CACNA1C: variants seen among roughly 807,000 people sequenced by gnomAD.
CACNA1C encodes the protein voltage-dependent L-type calcium channel subunit alpha-1C.
CACNA1C carries 30 observed loss-of-function variants against 229.0 expected under a neutral mutation model. That is an observed-to-expected ratio of 0.13 (90% CI 0.10 to 0.18). The LOEUF (loss-of-function observed/expected upper bound fraction) is 0.18. Ranked by LOEUF, CACNA1C falls within the 10% of genes least tolerant of loss-of-function variation. The probability of loss-of-function intolerance (pLI) is 1.00; values close to 1 mark genes in which losing one functional copy is unlikely to be tolerated. For missense variants in CACNA1C, 1,658 were observed against 2,845.0 expected (o/e 0.58, Z 9.49); for synonymous variants, 1,114 against 1,132.5 (o/e 0.98, Z 0.33).
intron 3 of CACNA1C, among the ~76,000 whole-genome samples, chr12:2,201,575 T>A (rs1223137796): frequency 6.6e-6 from 1 of 152,240 alleles, no homozygotes; most frequent in Non-Finnish European, 1.5e-5. Flanking sequence ...AGGAATTAGC[T>A]TTTCTTTCTA....
chr12:2,680,520 T>C lies in CACNA1C; in HGVS notation c.5444+724T>C, dbSNP rs1312575937. On this transcript the variant is annotated intron_variant, in intron 42 of 46. Coordinates refer to ENST00000399655, the MANE Select transcript of CACNA1C (RefSeq NM_000719.7). ...GCCTGGCCACGCTTCACTGTGCTGC[T>C]CTTCCAGAGTAGGAGAGTGGCTCCC... 2 of 1,573,868 alleles carry C rather than the reference T, an allele frequency of 1.3e-6. No individual in the cohort carries two copies. Among genetic ancestry groups the C allele is most frequent in the Non-Finnish European group, 1.7e-6 (2 of 1,159,152 alleles).
chr12:2,640,412 G>T (rs571190157), intron 30 of CACNA1C, among the ~76,000 whole-genome samples: 1 of 152,286 alleles, frequency 6.6e-6, no homozygotes, highest in East Asian at 1.9e-4. Flanking sequence ...TCTCTGTGTC[G>T]GTTGATGCTG....
intron 1 of CACNA1C, among the ~76,000 whole-genome samples, chr12:2,084,408 G>A (rs1298788803): frequency 6.6e-6 from 1 of 152,200 alleles, no homozygotes; most frequent in Non-Finnish European, 1.5e-5. Context: ...TCCATCTGGA[G>A]CAAACAAAAT....
chr12:2,333,561 G>A (rs2096611379), intron 3 of CACNA1C, among the ~76,000 whole-genome samples: 1 of 152,198 alleles, frequency 6.6e-6, no homozygotes, highest in African/African-American at 2.4e-5. Context: ...GCATGACCGC[G>A]CCATCCAGCC....
rs1339364468 is a variant in CACNA1C, at chr12:2,679,958, C to T, written c.5444+162C>T. On this transcript the variant is annotated intron_variant, in intron 42 of 46. Coordinates refer to ENST00000399655, the MANE Select transcript of CACNA1C (RefSeq NM_000719.7). The surrounding 1 kb of genome is among the most constrained non-coding windows in gnomAD (Gnocchi z 5.5). ...GCAAGAGCAGGAGGCACTATGCTGTCTCCCAAGTCCTGCCCTTGATCAGAC... is the reference window on the plus strand; with the variant it reads ...GCAAGAGCAGGAGGCACTATGCTGTTTCCCAAGTCCTGCCCTTGATCAGAC... Among the ~76,000 whole-genome samples the T allele has an allele frequency of 6.6e-6, 1 of 152,242 alleles. No individual in the cohort carries two copies. Among genetic ancestry groups the T allele is most frequent in the African/African-American group, 2.4e-5 (1 of 41,470 alleles).
chr12:2,614,222 A>G (rs142867129), intron 29 of CACNA1C: 2 of 152,200 alleles, frequency 1.3e-5, no homozygotes, highest in Non-Finnish European at 2.9e-5. Context: ...CTGGTTTTCT[A>G]TTGTGAGAAG....
intron 3 of CACNA1C, among the ~76,000 whole-genome samples, chr12:2,274,274 G>T (rs757674452): frequency 6.6e-6 from 1 of 152,204 alleles, no homozygotes; most frequent in African/African-American, 2.4e-5. Context: ...TTCTCACTGC[G>T]TGTGTTCATT....
At chr12:2,438,255 T>C (rs537258206) in intron 3 of CACNA1C, among the ~76,000 whole-genome samples, 6 of 144,770 alleles carry the variant, frequency 4.1e-5, no homozygotes, top group African/African-American at 1.3e-4. Flanking sequence ...ATGATAATGA[T>C]GGTGATGGTG....
chr12:2,201,405 C>CT (rs1055647809), intron 3 of CACNA1C, among the ~76,000 whole-genome samples: 2 of 152,188 alleles, frequency 1.3e-5, no homozygotes, highest in Admixed American at 6.5e-5. Context: ...CCCACTAACA[C>CT]TTTTTTCTTC....
intron 3 of CACNA1C, among the ~76,000 whole-genome samples, chr12:2,317,246 C>T (rs994453693): frequency 4.6e-5 from 7 of 152,114 alleles, no homozygotes; most frequent in African/African-American, 7.2e-5. Flanking sequence ...AAAGCCAAAA[C>T]GTGAGAGAAA....
rs554324210 is a variant in CACNA1C at position 2,361,591 on chromosome 12, G to A, written c.478-87385G>A. The stretch of plus-strand genomic sequence containing the variant: ...AGCCACTTTGGACCATAAGATGGAA[G>A]CCAAGCATTGAGGATGGCAAAGCAG... On this transcript the variant is annotated intron_variant, in intron 3 of 46. Transcript: ENST00000399655. 5.3e-5 allele frequency among the ~76,000 whole-genome samples: 8 copies of A among 152,286 alleles called. No homozygotes were observed. In the East Asian group the frequency reaches 5.8e-4, roughly 11 times the overall value.
At chr12:2,530,935 C>T (rs75550215) in intron 9 of CACNA1C, among the ~76,000 whole-genome samples, 8,567 of 152,288 alleles carry the variant, frequency 0.056, 338 homozygotes, top group African/African-American at 0.11. Flanking sequence ...GTACCGCCTC[C>T]AGGCGACCTT....
chr12:1,996,659 C>T, intron 1 of CACNA1C, among the ~76,000 whole-genome samples: 1 of 46,178 alleles, frequency 2.2e-5, no homozygotes, highest in African/African-American at 1.1e-4. Context: ...AAAAAAACAA[C>T]AAACTCTTCT....
chr12:1,982,678 AT>A lies in CACNA1C; in HGVS notation c.139+11484del, dbSNP rs554170549. 1.8e-4 allele frequency among the ~76,000 whole-genome samples: 27 copies of A among 152,192 alleles called. No individual in the cohort carries two copies. In the South Asian group the frequency reaches 5.0e-3, roughly 28 times the overall value. ...TACTGTGAATAATGCTACTATAAAC[AT>A]TTTTTTGTTCGCATTTTGCTGAGGA... On this transcript the variant is annotated intron_variant, in intron 1 of 46. Coordinates refer to the CACNA1C transcript ENST00000682462.
chr12:2,072,986 A>G (rs1429709752), intron 1 of CACNA1C, among the ~76,000 whole-genome samples: 1 of 152,154 alleles, frequency 6.6e-6, no homozygotes, highest in Non-Finnish European at 1.5e-5. Context: ...TGATGAATAA[A>G]ACAGATGGGC....
At chr12:2,260,475 TAAAAAAAA>T (rs549203538) in intron 3 of CACNA1C, among the ~76,000 whole-genome samples, 1 of 100,992 alleles carries the variant, frequency 9.9e-6, no homozygotes, top group Non-Finnish European at 2.1e-5. Context: ...CTGTCTCTAT[TAAAAAAAA>T]AAAAAAAAAA....
intron 3 of CACNA1C, among the ~76,000 whole-genome samples, chr12:2,173,647 G>A (rs1598087405): frequency 1.3e-5 from 2 of 151,940 alleles, no homozygotes; most frequent in South Asian, 2.1e-4. Context: ...CTTTCTCCCC[G>A]CCTGAGCCTG....
intron 1 of CACNA1C, among the ~76,000 whole-genome samples, chr12:2,111,374 A>T (rs1449718215): frequency 2.0e-5 from 3 of 151,918 alleles, no homozygotes; most frequent in Non-Finnish European, 4.4e-5. Context: ...GGGTGCAGGG[A>T]TGCTCCCCTC....
chr12:2,685,980 C>T (rs962103421), intron 44 of CACNA1C, 138 bp downstream of exon 44: 4 of 790,834 alleles, frequency 5.1e-6, no homozygotes, highest in Non-Finnish European at 6.5e-6. Flanking sequence ...AAGGAGACAA[C>T]ATTCCAAAGG....
Sources: gnomAD v4.1 joint callset for allele counts (sites outside exome capture counted in the v4.1 genomes callset) on GRCh38, gnomAD v4.1.1 for gene constraint, Gnocchi (gnomAD v3.1) non-coding constraint, MANE v1.5 for transcripts, NCBI Gene and HGNC (gene_info 2026-07-23, HGNC 2026-07-21) for gene names.